The following CNTNAP2 variants were observed in gnomAD, a reference collection of about 807,000 sequenced individuals.
CNTNAP2 encodes the protein contactin-associated protein-like 2.
Under a neutral mutation model 155.2 loss-of-function variants are expected in CNTNAP2, and 98 were observed. The ratio of observed to expected loss-of-function variants is 0.63; its 90% CI spans 0.54 to 0.75. CNTNAP2 has a LOEUF of 0.75. CNTNAP2 is among the 30% of genes least tolerant of loss of function. The pLI is 0.00. For missense variants in CNTNAP2, 1,727 were observed against 1,688.1 expected, an observed-to-expected ratio of 1.02 and a Z score of -0.40; for synonymous variants, 651 against 631.2, an observed-to-expected ratio of 1.03 and a Z score of -0.47.
chr7:146,485,479 A>T (rs1563102720), intron 1 of CNTNAP2, among the ~76,000 whole-genome samples: 1 of 152,218 alleles, frequency 6.6e-6, no homozygotes, highest in Non-Finnish European at 1.5e-5. Context: ...ACCAGTGGTA[A>T]GTGGTAGAAT....
intron 21 of CNTNAP2, among the ~76,000 whole-genome samples, chr7:148,374,367 A>G (rs1038124052): frequency 6.6e-6 from 1 of 152,210 alleles, no homozygotes; most frequent in Non-Finnish European, 1.5e-5. Flanking sequence ...CACTTTTCCT[A>G]GCCTACACTT....
chr7:147,740,178 G>A (rs58710526), intron 13 of CNTNAP2, among the ~76,000 whole-genome samples: 1,691 of 152,282 alleles, frequency 0.011, 97 homozygotes, highest in Admixed American at 0.087. Context: ...TTATTGCTTC[G>A]CAGGTTAAAA....
chr7:147,042,813 A>T (rs1799285139), intron 3 of CNTNAP2, among the ~76,000 whole-genome samples: 1 of 152,154 alleles, frequency 6.6e-6, no homozygotes, highest in Non-Finnish European at 1.5e-5. Flanking sequence ...CTTCTAAAAG[A>T]TAAGGCTAAA....
At chr7:148,010,668 T>G (rs917177183) in intron 15 of CNTNAP2, among the ~76,000 whole-genome samples, 3 of 151,950 alleles carry the variant, frequency 2.0e-5, no homozygotes, top group Non-Finnish European at 2.9e-5. Context: ...AAGGTTTTTT[T>G]TTTTTTATTA....
At chr7:147,589,395 T>C (rs1800696575) in intron 12 of CNTNAP2, among the ~76,000 whole-genome samples, 1 of 152,156 alleles carries the variant, frequency 6.6e-6, no homozygotes, top group Non-Finnish European at 1.5e-5. Context: ...TAATAAAGGC[T>C]TATGGACCCA....
At chr7:146,712,073 C>T (rs1299305266) in intron 1 of CNTNAP2, among the ~76,000 whole-genome samples, 1 of 114,144 alleles carries the variant, frequency 8.8e-6, no homozygotes, top group Non-Finnish European at 1.8e-5. Flanking sequence ...ATATAGTATA[C>T]ACATCTTATG....
intron 11 of CNTNAP2, among the ~76,000 whole-genome samples, chr7:147,511,377 C>T (rs1799017737): frequency 6.6e-6 from 1 of 151,480 alleles, no homozygotes; most frequent in Admixed American, 6.6e-5. Flanking sequence ...CTATTTAATT[C>T]TTCATTTCTT....
intron 15 of CNTNAP2, among the ~76,000 whole-genome samples, chr7:148,097,882 A>G (rs1475259493): frequency 6.6e-6 from 1 of 152,220 alleles, no homozygotes; most frequent in Non-Finnish European, 1.5e-5. Context: ...AAGTGATTGT[A>G]TATATCACTT....
intron 20 of CNTNAP2, 114 bp downstream of exon 20, chr7:148,229,893 T>C: frequency 8.2e-7 from 1 of 1,214,346 alleles, no homozygotes; most frequent in African/African-American, 1.5e-5. Context: ...AGATGCTTTT[T>C]ACACTTTCTC....
At chr7:146,325,598 ACACACACACACATG>A (rs1450914692) in intron 1 of CNTNAP2, among the ~76,000 whole-genome samples, 1 of 151,062 alleles carries the variant, frequency 6.6e-6, no homozygotes, top group Non-Finnish European at 1.5e-5. Context: ...GCCCCCCTAT[ACACACACACACATG>A]CACACACACA....
At chr7:148,040,210 T>G (rs1802644686) in intron 15 of CNTNAP2, among the ~76,000 whole-genome samples, 1 of 152,126 alleles carries the variant, frequency 6.6e-6, no homozygotes, top group South Asian at 2.1e-4. Context: ...AAAAAATAAC[T>G]GAAATAAATG....
intron 1 of CNTNAP2, among the ~76,000 whole-genome samples, chr7:146,128,439 T>A (rs1243957871): frequency 6.6e-6 from 1 of 152,180 alleles, no homozygotes; most frequent in Non-Finnish European, 1.5e-5. Flanking sequence ...TTCCAGCCAG[T>A]AGTTCTAGTT....
chr7:146,636,180 A>G (rs1413181972), intron 1 of CNTNAP2, among the ~76,000 whole-genome samples: 1 of 132,870 alleles, frequency 7.5e-6, no homozygotes, highest in Non-Finnish European at 1.6e-5. Flanking sequence ...GCCCACAGGA[A>G]TTCTGGGCAG....
chr7:146,603,004 G>C (rs942848015), intron 1 of CNTNAP2, among the ~76,000 whole-genome samples: 2 of 151,626 alleles, frequency 1.3e-5, no homozygotes, highest in African/African-American at 4.8e-5. Context: ...GATACAATTA[G>C]AGTGTGTAAC....
At chr7:147,895,307 C>A (rs1409374251) in intron 13 of CNTNAP2, among the ~76,000 whole-genome samples, 3 of 152,076 alleles carry the variant, frequency 2.0e-5, no homozygotes, top group African/African-American at 7.2e-5. Flanking sequence ...TGGAAAACTC[C>A]TTTCCTTTCT....
intron 9 of CNTNAP2, among the ~76,000 whole-genome samples, chr7:147,363,697 G>T (rs1796181393): frequency 6.6e-6 from 1 of 152,070 alleles, no homozygotes; most frequent in South Asian, 2.1e-4. Context: ...TTTTTTGTAT[G>T]TTTTCTATTA....
intron 13 of CNTNAP2, among the ~76,000 whole-genome samples, chr7:147,660,194 A>G (rs1315054556): frequency 2.6e-5 from 4 of 152,184 alleles, no homozygotes; most frequent in African/African-American, 7.2e-5. Flanking sequence ...AATAAAGCTA[A>G]CTCTTAACAA....
At chr7:146,763,754 A>G (rs1802145994) in intron 1 of CNTNAP2, among the ~76,000 whole-genome samples, 2 of 152,216 alleles carry the variant, frequency 1.3e-5, no homozygotes, top group Non-Finnish European at 2.9e-5. Flanking sequence ...ATAAATATCT[A>G]TTTCATAAAA....
chr7:147,730,339 C>A (rs1168080394), intron 13 of CNTNAP2, among the ~76,000 whole-genome samples: 1 of 152,102 alleles, frequency 6.6e-6, no homozygotes, highest in Non-Finnish European at 1.5e-5. Flanking sequence ...CTGTTTTAAG[C>A]CAACCCTATT....
Sources: gnomAD v4.1 joint callset for allele counts (sites outside exome capture counted in the v4.1 genomes callset) on GRCh38, gnomAD v4.1.1 for gene constraint, MANE v1.5 for transcripts, NCBI Gene and HGNC (gene_info 2026-07-23, HGNC 2026-07-21) for gene names.